The following EIF4EBP1 variants were observed in gnomAD, a reference collection of about 807,000 sequenced individuals.
EIF4EBP1 encodes the protein eukaryotic translation initiation factor 4E-binding protein 1.
EIF4EBP1 carries 5 observed loss-of-function variants against 9.2 expected under a neutral mutation model. That is an observed-to-expected ratio of 0.54 (90% CI 0.28 to 1.14). The LOEUF is 1.14. EIF4EBP1 is among the 50% of genes most tolerant of loss of function. The pLI, the probability that EIF4EBP1 is intolerant of heterozygous loss-of-function variation, is 0.09. For synonymous variants in EIF4EBP1, 62 were observed against 67.0 expected (o/e 0.93, Z 0.36); for missense variants, 139 against 169.6 (o/e 0.82, Z 1.00).
rs748242492 is a variant in EIF4EBP1 at position 38,057,088 on chromosome 8, G to T, written c.153G>T (p.Arg51Ser). The T allele has an allele frequency of 1.9e-6, 3 of 1,614,112 alleles. No homozygotes were observed. The South Asian group carries it at 3.3e-5, about 18-fold the overall frequency. Residue 51 changes from arginine to serine, a missense_variant, in exon 2 of 3, where the codon AGG becomes AGT. Physicochemically the swap from Arg to Ser is moderately radical, Grantham distance 110. Coordinates refer to ENST00000338825, the MANE Select transcript of EIF4EBP1 (RefSeq NM_004095.4). ...CTCCCTGTTCCCTTCTAGGTACCAG[G>T]ATCATCTATGACCGGAAATTCCTGA... Reference protein sequence around the residue: ...TLFSTTPGGTRIIYDRKFLME... With the variant: ...TLFSTTPGGTSIIYDRKFLME...
intron 1 of EIF4EBP1, among the ~76,000 whole-genome samples, chr8:38,054,162 A>C (rs1428322578): frequency 1.3e-5 from 2 of 152,192 alleles, no homozygotes. Context: ...AAACAAACCA[A>C]CAACAACAAA....
At chr8:38,054,735 G>T (rs894683483) in intron 1 of EIF4EBP1, among the ~76,000 whole-genome samples, 5 of 152,042 alleles carry the variant, frequency 3.3e-5, no homozygotes, top group Non-Finnish European at 7.4e-5. Context: ...TTAAAAAAAA[G>T]AGTTAGAAAT....
intron 1 of EIF4EBP1, among the ~76,000 whole-genome samples, chr8:38,044,216 G>A (rs536754795): frequency 6.6e-6 from 1 of 152,126 alleles, no homozygotes; most frequent in African/African-American, 2.4e-5. Context: ...ACATCCAATG[G>A]AAGAATGCTT....
chr8:38,043,446 C>A (rs573746339), intron 1 of EIF4EBP1, among the ~76,000 whole-genome samples: 6 of 149,836 alleles, frequency 4.0e-5, no homozygotes, highest in Non-Finnish European at 7.4e-5. Context: ...CTCACTGCAA[C>A]CTCTGCCTCC....
chr8:38,054,207 C>T (rs1282148029), intron 1 of EIF4EBP1, among the ~76,000 whole-genome samples: 10 of 152,066 alleles, frequency 6.6e-5, no homozygotes, highest in Non-Finnish European at 1.3e-4. Flanking sequence ...CCCAGCACTT[C>T]GGGAGGCTGA....
chr8:38,055,817 A>G (rs1394024985), intron 1 of EIF4EBP1, among the ~76,000 whole-genome samples: 1 of 152,070 alleles, frequency 6.6e-6, no homozygotes, highest in Non-Finnish European at 1.5e-5. Context: ...CAACATGGTG[A>G]AATCCCGTCT....
chr8:38,038,651 C>T (rs117293568), intron 1 of EIF4EBP1, among the ~76,000 whole-genome samples: 3,319 of 151,732 alleles, frequency 0.022, 64 homozygotes, highest in Middle Eastern at 0.058. Context: ...TACAGGTGTG[C>T]GCCACCACGC....
At chr8:38,040,016 G>A (rs1322187933) in intron 1 of EIF4EBP1, among the ~76,000 whole-genome samples, 1 of 152,044 alleles carries the variant, frequency 6.6e-6, no homozygotes, top group African/African-American at 2.4e-5. Context: ...AGCTTCCCGA[G>A]TAGCTGGGAC....
At chr8:38,033,348 G>A (rs980032699) in intron 1 of EIF4EBP1, among the ~76,000 whole-genome samples, 8 of 151,910 alleles carry the variant, frequency 5.3e-5, no homozygotes, top group East Asian at 1.9e-4. Flanking sequence ...GATTACAGGC[G>A]TGAGTCACCA....
rs188164735 is a variant in EIF4EBP1, at chr8:38,047,207, A to G, written c.146-9874A>G. On this transcript the variant is annotated intron_variant, in intron 1 of 2. Transcript: ENST00000338825. ...CACACTTGGCTGTAATCACTTGTTT[A>G]CGGGTCTTTCTCGACTAAATTACAT... 10 of 152,250 alleles carry G rather than the reference A, an allele frequency of 6.6e-5. 1 individual carries two copies. The highest frequency in any genetic ancestry group is 3.3e-4 in the Admixed American group (5 of 15,290). The allele number at this position is 152,250 out of a possible 1,614,324, so 9.4% of individuals were successfully genotyped here.
intron 1 of EIF4EBP1, among the ~76,000 whole-genome samples, chr8:38,056,580 C>T (rs1011461371): frequency 4.0e-5 from 6 of 151,828 alleles, no homozygotes; most frequent in Non-Finnish European, 8.8e-5. Flanking sequence ...TGGATCATTC[C>T]ATGTGAAGGG....
intron 1 of EIF4EBP1, among the ~76,000 whole-genome samples, chr8:38,040,629 A>G (rs1239128204): frequency 1.3e-5 from 2 of 152,214 alleles, no homozygotes; most frequent in East Asian, 3.8e-4. Flanking sequence ...AGATGGTCTT[A>G]CCCATACATC....
intron 1 of EIF4EBP1, among the ~76,000 whole-genome samples, chr8:38,056,585 G>GA (rs1393584606): frequency 3.9e-4 from 59 of 151,936 alleles, no homozygotes; most frequent in African/African-American, 1.4e-3. Flanking sequence ...CATTCCATGT[G>GA]AAGGGGAGTT....
At chr8:38,031,701 T>A (rs1809223750) in intron 1 of EIF4EBP1, among the ~76,000 whole-genome samples, 1 of 152,144 alleles carries the variant, frequency 6.6e-6, no homozygotes, top group African/African-American at 2.4e-5. Context: ...CAGGCAGCTG[T>A]CCCACCAGCA....
Position 38,060,072 on chromosome 8 carries a change from C to A in EIF4EBP1, c.*137C>A. On this transcript the variant is annotated 3_prime_UTR_variant, in exon 3 of 3. Coordinates refer to ENST00000338825, the MANE Select transcript of EIF4EBP1 (RefSeq NM_004095.4). ...GGGTCGGACACCCCAGCCCTTTCTC[C>A]CTCACTCAGGGCACCTGCCCCCTCC... 1.2e-6 allele frequency: 1 copy of A among 842,020 alleles called. No individual in the cohort carries two copies. Among genetic ancestry groups the A allele is most frequent in the Non-Finnish European group, 2.0e-6 (1 of 496,948 alleles). 52.2% of individuals were successfully genotyped at this position (842,020 alleles called of 1,614,324 possible). A position where few individuals can be genotyped will look rare whatever the true frequency, so the allele number is the denominator to read the frequency against.
Position 38,057,147 on chromosome 8 carries a change from C to G in EIF4EBP1, c.212C>G (p.Pro71Arg), listed in dbSNP as rs747431936. The change falls in exon 2 of 3, where the codon CCC (proline) becomes CGC (arginine). Residue 71 changes from proline to arginine, a missense_variant. Pro to Arg is a moderately radical substitution (Grantham distance 103). Coordinates refer to ENST00000338825, the MANE Select transcript of EIF4EBP1 (RefSeq NM_004095.4). The part of the protein sequence containing the change: ...ECRNSPVTKT[P>R]PRDLPTIPGV... Reference sequence around the variant, plus strand: ...CGGAACTCACCTGTGACCAAAACACCCCCAAGGGATCTGCCCACCATTCCG... The same window carrying G: ...CGGAACTCACCTGTGACCAAAACACGCCCAAGGGATCTGCCCACCATTCCG... 1 of 1,507,978 alleles carries G rather than the reference C, an allele frequency of 6.6e-7. No homozygotes were observed. The highest frequency in any genetic ancestry group is 2.3e-5 in the East Asian group (1 of 42,744). The allele number at this position is 1,507,978 out of a possible 1,614,324, so 93.4% of individuals were successfully genotyped here.
rs139570848 is a variant in EIF4EBP1, at chr8:38,055,725, G to A, written c.146-1356G>A. On this transcript the variant is annotated intron_variant, in intron 1 of 2. Transcript: ENST00000338825. ...AAAAAGATACAAAGGGGCCGGGCAC[G>A]GTGGCTCACACCTGTAATCCCAGCA... Among the ~76,000 whole-genome samples the A allele has an allele frequency of 8.5e-3, 1,288 of 152,144 alleles. 20 individuals carry two copies. Among genetic ancestry groups the A allele is most frequent in the African/African-American group, 0.029 (1,193 of 41,502 alleles).
Position 38,030,728 on chromosome 8 carries a change from G to A in EIF4EBP1, c.145+10G>A. 2 of 1,385,190 alleles carry A rather than the reference G, an allele frequency of 1.4e-6. No homozygotes were observed. The highest frequency in any genetic ancestry group is 1.6e-5 in the South Asian group (1 of 61,434). 85.8% of individuals were successfully genotyped at this position (1,385,190 alleles called of 1,614,324 possible). ...AGCACCACCCCGGGAGGTAGGCGCGGGCTTGGCGACGCCGCTTGCCGGCTC... is the reference window on the plus strand; with the variant it reads ...AGCACCACCCCGGGAGGTAGGCGCGAGCTTGGCGACGCCGCTTGCCGGCTC... On this transcript the variant is annotated intron_variant, in intron 1 of 2. Coordinates refer to ENST00000338825, the MANE Select transcript of EIF4EBP1 (RefSeq NM_004095.4).
intron 1 of EIF4EBP1, among the ~76,000 whole-genome samples, chr8:38,050,726 C>A (rs963067710): frequency 6.6e-6 from 1 of 152,150 alleles, no homozygotes. Flanking sequence ...GATCCTCCCA[C>A]CTCAGCCTTC....
Sources: allele counts gnomAD v4.1 joint callset (sites outside exome capture counted in the v4.1 genomes callset), GRCh38; gene constraint gnomAD v4.1.1; transcripts MANE v1.5; gene names NCBI Gene and HGNC (gene_info 2026-07-23, HGNC 2026-07-21).